The following ASPM variants were observed in gnomAD, a reference collection of about 807,000 sequenced individuals.
ASPM encodes assembly factor for spindle microtubules, also known as abnormal spindle-like microcephaly-associated protein.
In ASPM, 256 loss-of-function variants were observed where a neutral mutation model predicts 366.4. The observed-to-expected ratio is 0.70, with a 90% confidence interval of 0.63 to 0.77. ASPM has a LOEUF of 0.77. Among genes scored for constraint, ASPM ranks in the 30% least tolerant of loss-of-function variants. The pLI is 0.00. For synonymous variants in ASPM, 1,414 were observed against 1,342.9 expected, an observed-to-expected ratio of 1.05 and a Z score of -1.16; for missense variants, 4,146 against 4,090.4, an observed-to-expected ratio of 1.01 and a Z score of -0.37.
chr1:197,129,851 A>T, intron 8 of ASPM, 64 bp downstream of exon 8: 1 of 1,563,366 alleles, frequency 6.4e-7, no homozygotes, highest in Non-Finnish European at 8.8e-7. Flanking sequence ...CAGAAACAGG[A>T]AGAATGACAA....
chr1:197,088,311 A>G lies in ASPM; in HGVS notation c.10106T>C (p.Phe3369Ser), dbSNP rs1230394567. Residue 3369 changes from phenylalanine (F) to serine (S), a missense_variant, in exon 26 of 28, where the codon TTT (phenylalanine) becomes TCT (serine). By Grantham distance (155) the Phe-to-Ser change is radical. Transcript: ENST00000367409. ...NKVADKGGSI[F>S]TKTCCLLAIL... ...AGCCAACAAACAACAAGTTTTTGTA[A>G]AAATGCTTCCGCCTTTGTCTGCAAC... 6.2e-7 allele frequency: 1 copy of G among 1,613,456 alleles called. No individual in the cohort carries two copies. The highest frequency in any genetic ancestry group is 8.5e-7 in the Non-Finnish European group (1 of 1,179,768).
chr1:197,121,825 C>A (rs1465152803), intron 16 of ASPM, 90 bp downstream of exon 16: 2 of 1,440,706 alleles, frequency 1.4e-6, no homozygotes, highest in African/African-American at 2.8e-5. Context: ...TGCCATACAT[C>A]CATAAAATGT....
In ASPM at chr1:197,103,201, T is replaced by C. The variant is rs1657260178; in HGVS notation, c.6050A>G (p.Tyr2017Cys). Reference protein sequence around the residue: ...YSIGREQNHLYLKTKAAVVTL... With the variant: ...YSIGREQNHLCLKTKAAVVTL... ...TACTACAGCTGCTTTTGTTTTCAAA[T>C]ATAAATGATTCTGTTCTCTTCCAAT... The change falls in exon 18 of 28, where the codon TAT (tyrosine) becomes TGT (cysteine). Residue 2017 changes from tyrosine to cysteine, a missense_variant. This residue lies in a region of ASPM where 3,624 missense variants were observed against 3,591.7 expected (regional missense o/e 1.01). Transcript: ENST00000367409. The C allele has an allele frequency of 4.3e-6, 7 of 1,612,700 alleles. No homozygotes were observed. The highest frequency in any genetic ancestry group is 5.9e-6 in the Non-Finnish European group (7 of 1,179,362).
At position 197,122,557 on chromosome 1, in the gene ASPM, C is replaced by T; in HGVS notation, c.3429G>A (p.Val1143=). 1 of 1,612,290 alleles carries T rather than the reference C, an allele frequency of 6.2e-7. No homozygotes were observed. Among genetic ancestry groups the T allele is most frequent in the Non-Finnish European group, 8.5e-7 (1 of 1,179,120 alleles). The change falls in exon 14 of 28, where the codon GTG becomes GTA. Residue 1143 remains valine, a synonymous_variant. Transcript: ENST00000367409. ...GGTAATGGTGGATCAGGTAACATAA[C>T]ACACGGCCGTCTGAGAAAGACACTG... The part of the protein sequence containing the change: ...NFTVSFSDGR[V]LCYLIHHYHP...
intron 16 of ASPM, among the ~76,000 whole-genome samples, chr1:197,120,474 G>A (rs1657874581): frequency 6.6e-6 from 1 of 152,096 alleles, no homozygotes; most frequent in Non-Finnish European, 1.5e-5. Context: ...AATCTGAAGT[G>A]AGCCAAGATC....
rs772722368 is a variant in ASPM at position 197,093,032 on chromosome 1, T to C, written c.9294+20A>G. Reference sequence around the variant, plus strand: ...GCTTTCATTTTATAAGAATGAGATATGCTACTTGAAAATACTTACTCTTTT... The same window carrying C: ...GCTTTCATTTTATAAGAATGAGATACGCTACTTGAAAATACTTACTCTTTT... On this transcript the variant is annotated intron_variant, in intron 21 of 27. Coordinates refer to ENST00000367409, the MANE Select transcript of ASPM (RefSeq NM_018136.5). 2 of 1,563,402 alleles carry C rather than the reference T, an allele frequency of 1.3e-6. No homozygotes were observed. Among genetic ancestry groups the C allele is most frequent in the South Asian group, 1.1e-5 (1 of 89,922 alleles).
At chr1:197,130,081 C>A (rs1471516178) in intron 7 of ASPM, 25 bp from the exon 8 acceptor site, 1 of 1,608,176 alleles carries the variant, frequency 6.2e-7, no homozygotes, top group South Asian at 1.1e-5. Context: ...AAGCCAAAGT[C>A]AGAATTATGC....
chr1:197,107,365 T>A (rs545544887), intron 17 of ASPM, among the ~76,000 whole-genome samples: 1 of 152,108 alleles, frequency 6.6e-6, no homozygotes, highest in African/African-American at 2.4e-5. Context: ...AAAGGAACTG[T>A]CACTGAAGCT....
intron 7 of ASPM, among the ~76,000 whole-genome samples, chr1:197,130,727 G>A (rs953477426): frequency 7.2e-5 from 11 of 151,810 alleles, no homozygotes; most frequent in South Asian, 2.1e-4. Context: ...AAATCCTCAC[G>A]TACATTTATT....
At chr1:197,087,549 A>G (rs1233843881) in intron 26 of ASPM, among the ~76,000 whole-genome samples, 1 of 106,252 alleles carries the variant, frequency 9.4e-6, no homozygotes, top group Non-Finnish European at 2.1e-5. Flanking sequence ...TCAACATAGC[A>G]ATTATAGTCA....
At chr1:197,099,673 AC>A (rs1657094405) in intron 18 of ASPM, among the ~76,000 whole-genome samples, 2 of 151,712 alleles carry the variant, frequency 1.3e-5, no homozygotes, top group Non-Finnish European at 2.9e-5. Flanking sequence ...AACACCCACT[AC>A]AGCATTTGGC....
chr1:197,087,527 GAATTATTATAGTCAACATAGC>G (rs2125086719), intron 26 of ASPM, among the ~76,000 whole-genome samples: 1 of 151,962 alleles, frequency 6.6e-6, no homozygotes, highest in South Asian at 2.1e-4. Flanking sequence ...ATATAAGAAG[GAATTATTATAGTCAACATAGC>G]AATTATAGTC....
chr1:197,105,036 A>G lies in ASPM; in HGVS notation c.4215T>C (p.Arg1405=). 6.2e-7 allele frequency: 1 copy of G among 1,610,318 alleles called. No homozygotes were observed. The highest frequency in any genetic ancestry group is 8.5e-7 in the Non-Finnish European group (1 of 1,177,898). ...WATVTIQRHW[R]AYLRRKQDQQ... ...GATCTTGTTTTCTTCTTAAATAAGC[A>G]CGCCAATGCCTCTGAATTGTAACTG... Residue 1405 remains arginine, a synonymous_variant, in exon 18 of 28, where the codon CGT becomes CGC. Coordinates refer to ENST00000367409, the MANE Select transcript of ASPM (RefSeq NM_018136.5).
chr1:197,124,762 C>G, intron 12 of ASPM, 108 bp downstream of exon 12: 3 of 894,360 alleles, frequency 3.4e-6, no homozygotes, highest in Non-Finnish European at 5.5e-6. Flanking sequence ...CAAAATAAAC[C>G]TTATTAAATG....
chr1:197,113,218 C>T (rs141747527), intron 17 of ASPM, among the ~76,000 whole-genome samples: 1 of 152,104 alleles, frequency 6.6e-6, no homozygotes, highest in East Asian at 1.9e-4. Flanking sequence ...GCTTGATGAG[C>T]GCAAGTCAGA....
At position 197,135,209 on chromosome 1, in the gene ASPM, T is replaced by C. The variant is rs763381773; in HGVS notation, c.2060A>G (p.Lys687Arg). 8 of 1,613,928 alleles carry C rather than the reference T, an allele frequency of 5.0e-6. No homozygotes were observed. The African/African-American group carries it at 1.1e-4, about 22-fold the overall frequency. Residue 687 changes from lysine (K) to arginine (R), a missense_variant, in exon 5 of 28, where the codon AAA (lysine) becomes AGA (arginine). This residue lies in a region of ASPM where 3,624 missense variants were observed against 3,591.7 expected (regional missense o/e 1.01). Transcript: ENST00000367409. ...CCAGCGTTCATCATAAAACATGTTT[T>C]TTGCAGCAAATGGCATCGGGTGTCT... ...IPRHPMPFAA[K>R]NMFYDERWKE...
rs1658785966 is a variant in ASPM, at chr1:197,146,399, C to T, written c.39G>A (p.Val13=). The change falls in exon 1 of 28, where the codon GTG becomes GTA. Residue 13 remains valine (V), a synonymous_variant. Transcript: ENST00000367409. ...NRRVGRGCWE[V]SPTERRPPAG... is the part of the protein sequence containing the mutation. ...CGGGCGGCCTCCGCTCGGTCGGGCT[C>T]ACTTCCCAGCAGCCTCGCCCCACTC... 1 of 1,609,792 alleles carries T rather than the reference C, an allele frequency of 6.2e-7. No homozygotes were observed. The highest frequency in any genetic ancestry group is 1.7e-5 in the Admixed American group (1 of 59,930).
chr1:197,110,779 G>C (rs1197545337), intron 17 of ASPM, among the ~76,000 whole-genome samples: 1 of 152,000 alleles, frequency 6.6e-6, no homozygotes, highest in Non-Finnish European at 1.5e-5. Context: ...ATAGAAAAGG[G>C]TAGAGAACCC....
In ASPM at chr1:197,104,810, A is replaced by ATTC. The variant is rs769728447; in HGVS notation, c.4438_4440dup (p.Glu1480dup). ...GATCTAATATAAATATATTTCCGTAATTCTTTATGCATTCTATACCATGAT... is the reference window on the plus strand; with the variant it reads ...GATCTAATATAAATATATTTCCGTAATTCTTCTTTATGCATTCTATACCATGAT... On this transcript the variant is annotated inframe_insertion, in exon 18 of 28. Transcript: ENST00000367409. 5.8e-5 allele frequency: 91 copies of ATTC among 1,579,632 alleles called. No individual in the cohort carries two copies. The African/African-American group carries it at 1.2e-3, about 21-fold the overall frequency.
Sources: gnomAD v4.1 joint callset for allele counts (sites outside exome capture counted in the v4.1 genomes callset) on GRCh38, gnomAD v4.1.1 for gene constraint, gnomAD v4.1.1 regional missense constraint, MANE v1.5 for transcripts, NCBI Gene and HGNC (gene_info 2026-07-23, HGNC 2026-07-21) for gene names.